Variants in RPS6KA2 observed in about 807,000 individuals in gnomAD.
RPS6KA2 encodes the protein ribosomal protein S6 kinase A2, also known as ribosomal protein S6 kinase alpha-2.
In RPS6KA2, 42 loss-of-function variants were observed where a neutral mutation model predicts 91.8. The ratio of observed to expected loss-of-function variants is 0.46; its 90% CI spans 0.36 to 0.59. RPS6KA2 has a LOEUF of 0.59. Among genes scored for constraint, RPS6KA2 ranks in the 20% least tolerant of loss-of-function variants. RPS6KA2 has a pLI of 0.00. For missense variants in RPS6KA2, 798 were observed against 978.5 expected (o/e 0.82, Z 2.46); for synonymous variants, 414 against 393.6 (o/e 1.05, Z -0.61).
chr6:166,652,915 G>A (rs1787901473), intron 2 of RPS6KA2, among the ~76,000 whole-genome samples: 1 of 152,174 alleles, frequency 6.6e-6, no homozygotes. Flanking sequence ...TCGTGCCTTG[G>A]GTGGCTGGGC....
chr6:166,731,993 G>T (rs1790539284), intron 2 of RPS6KA2, among the ~76,000 whole-genome samples: 1 of 152,292 alleles, frequency 6.6e-6, no homozygotes, highest in Admixed American at 6.5e-5. Flanking sequence ...TACAAAAGTA[G>T]ATGGAAAGGC....
Position 166,437,192 on chromosome 6 carries a change from G to A in RPS6KA2, c.1333-4702C>T, listed in dbSNP as rs1338064999. ...CGGGCAGCCGGGGTTTGGACACACT[G>A]TTTAGGAGCACCAGGGAGTGGGCCC... On this transcript the variant is annotated intron_variant, in intron 14 of 20. Coordinates refer to ENST00000265678, the MANE Select transcript of RPS6KA2 (RefSeq NM_021135.6). The surrounding 1 kb of genome is among the most constrained non-coding windows in gnomAD (Gnocchi z 4.3). Among the ~76,000 whole-genome samples, 1 of 152,128 alleles carries A rather than the reference G, an allele frequency of 6.6e-6. No individual in the cohort carries two copies. The highest frequency in any genetic ancestry group is 2.4e-5 in the African/African-American group (1 of 41,414).
intron 1 of RPS6KA2, among the ~76,000 whole-genome samples, chr6:166,573,222 G>A (rs1353372960): frequency 1.3e-5 from 2 of 152,208 alleles, no homozygotes; most frequent in Admixed American, 6.5e-5. Flanking sequence ...CCTCTGCCCT[G>A]TCACGAGAAG....
At chr6:166,498,974 G>C (rs189330744) in intron 7 of RPS6KA2, among the ~76,000 whole-genome samples, 1 of 152,210 alleles carries the variant, frequency 6.6e-6, no homozygotes, top group South Asian at 2.1e-4. Flanking sequence ...CCACAGGCAC[G>C]TGGAGGTGGG....
chr6:166,432,583 C>T (rs1779172929), intron 14 of RPS6KA2, 93 bp from the exon 15 acceptor site: 1 of 709,764 alleles, frequency 1.4e-6, no homozygotes, highest in African/African-American at 1.8e-5. Flanking sequence ...TAAAGTCTGG[C>T]CCCAGGTGGC....
At chr6:166,586,998 A>G (rs7742514) in intron 1 of RPS6KA2, among the ~76,000 whole-genome samples, 60,575 of 151,888 alleles carry the variant, frequency 0.4, 13,004 homozygotes, top group African/African-American at 0.55. Context: ...TTAAAGAAGC[A>G]GGTGCTTCTT....
intron 16 of RPS6KA2, 52 bp downstream of exon 16, chr6:166,430,401 C>G: frequency 1.3e-6 from 2 of 1,546,918 alleles, no homozygotes; most frequent in Non-Finnish European, 1.8e-6. Context: ...GGTTTTGGTT[C>G]CTGCCCTGAA....
intron 2 of RPS6KA2, among the ~76,000 whole-genome samples, chr6:166,826,990 G>C (rs937775828): frequency 6.6e-6 from 1 of 152,332 alleles, no homozygotes; most frequent in East Asian, 1.9e-4. Flanking sequence ...TAGAAGCAGA[G>C]AGTAGAATTG....
chr6:166,537,825 T>C (rs938161999), intron 2 of RPS6KA2, among the ~76,000 whole-genome samples: 2 of 152,234 alleles, frequency 1.3e-5, no homozygotes, highest in African/African-American at 4.8e-5. Flanking sequence ...TTCAGGCCCT[T>C]ATGTTCTAGA....
At chr6:166,522,149 C>T (rs2128488170) in intron 3 of RPS6KA2, among the ~76,000 whole-genome samples, 1 of 152,286 alleles carries the variant, frequency 6.6e-6, no homozygotes, top group East Asian at 1.9e-4. Context: ...GTGATATCTG[C>T]CTGAATGAAC....
At chr6:166,518,139 T>C (rs1451872632) in intron 3 of RPS6KA2, among the ~76,000 whole-genome samples, 1 of 150,572 alleles carries the variant, frequency 6.6e-6, no homozygotes, top group Non-Finnish European at 1.5e-5. Flanking sequence ...TACAAAAAAT[T>C]AGCCAGGAAT....
In RPS6KA2 at chr6:166,449,863, GA is replaced by G. The variant is rs67121736; in HGVS notation, c.1207-1015del. 3.5e-3 allele frequency among the ~76,000 whole-genome samples: 456 copies of G among 131,800 alleles called. 4 individuals carry two copies. Among genetic ancestry groups the G allele is most frequent in the African/African-American group, 0.011 (419 of 39,246 alleles). 86.5% of individuals were successfully genotyped at this position (131,800 alleles called of 152,430 possible). A position where few individuals can be genotyped will look rare whatever the true frequency, so the allele number is the denominator to read the frequency against. On this transcript the variant is annotated intron_variant, in intron 13 of 20. Transcript: ENST00000265678. ...GGGACAACCACGAGGACCACCATGG[GA>G]ACCACCACGCGGACCACCATGGGAC... is the stretch of plus-strand genomic sequence containing the variant.
chr6:166,627,061 G>A lies in RPS6KA2; in HGVS notation c.-42C>T. On this transcript the variant is annotated 5_prime_UTR_variant, in exon 1 of 21. Coordinates refer to ENST00000265678, the MANE Select transcript of RPS6KA2 (RefSeq NM_021135.6). ...CGGAGCAGCCGCAGGGCCGGGGGAC[G>A]CGCATCCCCGGCATCCCAGGCGCGG... The A allele has an allele frequency of 8.2e-6, 11 of 1,338,148 alleles. No individual in the cohort carries two copies. The highest frequency in any genetic ancestry group is 1.5e-5 in the African/African-American group (1 of 65,988). 82.9% of individuals were successfully genotyped at this position (1,338,148 alleles called of 1,614,324 possible). A position where few individuals can be genotyped will look rare whatever the true frequency, so the allele number is the denominator to read the frequency against.
At chr6:166,625,134 T>C (rs1359858674) in intron 1 of RPS6KA2, among the ~76,000 whole-genome samples, 2 of 152,122 alleles carry the variant, frequency 1.3e-5, no homozygotes, top group Non-Finnish European at 2.9e-5. Flanking sequence ...GCCCGGCCAT[T>C]ATTGACCATC....
At chr6:166,647,577 T>C (rs1407004239) in intron 2 of RPS6KA2, among the ~76,000 whole-genome samples, 1 of 152,256 alleles carries the variant, frequency 6.6e-6, no homozygotes, top group Non-Finnish European at 1.5e-5. Flanking sequence ...ACATGCCCGT[T>C]CCACCTCTTT....
chr6:166,683,042 C>T (rs1453331819), intron 2 of RPS6KA2, among the ~76,000 whole-genome samples: 1 of 152,166 alleles, frequency 6.6e-6, no homozygotes, highest in African/African-American at 2.4e-5. Flanking sequence ...AGATGGGTCT[C>T]GCCGCTTGCC....
chr6:166,432,994 C>CAAAAAAA (rs397728789), intron 14 of RPS6KA2, among the ~76,000 whole-genome samples: 2,275 of 82,550 alleles, frequency 0.028, 98 homozygotes, highest in African/African-American at 0.091. Flanking sequence ...GACTCTGTCT[C>CAAAAAAA]AAAAAAAAAA....
intron 8 of RPS6KA2, among the ~76,000 whole-genome samples, chr6:166,496,715 T>C (rs982424493): frequency 1.3e-5 from 2 of 152,186 alleles, no homozygotes; most frequent in Admixed American, 6.5e-5. Context: ...CCCAGAGTTA[T>C]AGGACAGGAC....
chr6:166,627,199 C>G lies in RPS6KA2; in HGVS notation c.-180G>C, dbSNP rs1472365812. The G allele has an allele frequency of 1.9e-6, 2 of 1,041,886 alleles. No homozygotes were observed. The highest frequency in any genetic ancestry group is 8.3e-5 in the East Asian group (1 of 12,070). The allele number at this position is 1,041,886 out of a possible 1,614,324, so 64.5% of individuals were successfully genotyped here. A position where few individuals can be genotyped will look rare whatever the true frequency, so the allele number is the denominator to read the frequency against. ...AAAGGGCAGGCCGCGCCGGCCACCGCGGCCGGGGCCACAATCGCTCCCTCC... is the reference window on the plus strand; with the variant it reads ...AAAGGGCAGGCCGCGCCGGCCACCGGGGCCGGGGCCACAATCGCTCCCTCC... On this transcript the variant is annotated 5_prime_UTR_variant, in exon 1 of 21. Transcript: ENST00000265678.
Sources: allele counts gnomAD v4.1 joint callset (sites outside exome capture counted in the v4.1 genomes callset), GRCh38; gene constraint gnomAD v4.1.1; non-coding constraint Gnocchi (gnomAD v3.1); transcripts MANE v1.5; gene names NCBI Gene and HGNC (gene_info 2026-07-23, HGNC 2026-07-21).